Variants in CTDP1 observed in about 807,000 individuals in gnomAD.
CTDP1 encodes the protein RNA polymerase II subunit A C-terminal domain phosphatase.
In CTDP1, 47 loss-of-function variants were observed where a neutral mutation model predicts 91.8. The observed-to-expected ratio is 0.51, with a 90% CI of 0.41 to 0.65. The LOEUF (loss-of-function observed/expected upper bound fraction) is 0.65. CTDP1 is among the 30% of genes least tolerant of loss of function. The pLI is 0.00. For synonymous variants in CTDP1, 656 were observed against 598.5 expected (o/e 1.10, Z -1.40); for missense variants, 1,272 against 1,373.7 (o/e 0.93, Z 1.17).
intron 1 of CTDP1, among the ~76,000 whole-genome samples, chr18:79,691,160 C>T (rs1192010865): frequency 2.6e-5 from 4 of 151,834 alleles, no homozygotes; most frequent in Non-Finnish European, 2.9e-5. Flanking sequence ...AGTCATCTGC[C>T]GGTGGCACCT....
At chr18:79,701,564 A>G (rs990002920) in intron 4 of CTDP1, among the ~76,000 whole-genome samples, 6 of 147,412 alleles carry the variant, frequency 4.1e-5, no homozygotes, top group African/African-American at 1.6e-4. Context: ...TAAATAAATA[A>G]ATAAATAAAA....
chr18:79,727,273 C>G (rs1008618946), intron 10 of CTDP1, among the ~76,000 whole-genome samples: 8 of 152,256 alleles, frequency 5.3e-5, no homozygotes, highest in African/African-American at 1.9e-4. Context: ...CTGCTTTGGA[C>G]TGCGTGTGTC....
chr18:79,695,911 G>T, intron 2 of CTDP1, 66 bp from the exon 3 acceptor site: 1 of 1,267,272 alleles, frequency 7.9e-7, no homozygotes, highest in Non-Finnish European at 1.1e-6. Context: ...CTGTCACTTA[G>T]AGCCCAGTGT....
intron 5 of CTDP1, among the ~76,000 whole-genome samples, chr18:79,705,858 T>C (rs963721834): frequency 2.0e-5 from 3 of 152,262 alleles, no homozygotes; most frequent in Admixed American, 1.3e-4. Flanking sequence ...TTAATTCCTC[T>C]TGTAATTGAA....
chr18:79,714,232 T>G (rs1336672925), intron 7 of CTDP1, among the ~76,000 whole-genome samples: 1 of 152,108 alleles, frequency 6.6e-6, no homozygotes, highest in Non-Finnish European at 1.5e-5. Flanking sequence ...ATTTTTTGGA[T>G]TGGGGATGTT....
At chr18:79,745,280 GTTCTGTCCCTGCGTCCCTCCCGTGCGC>G (rs2086860018) in intron 12 of CTDP1, among the ~76,000 whole-genome samples, 2 of 133,350 alleles carry the variant, frequency 1.5e-5, no homozygotes, top group Admixed American at 7.5e-5. Flanking sequence ...TCCCGTGCGC[GTTCTGTCCCTGCGTCCCTCCCGTGCGC>G]GTTCTGTCCC....
intron 1 of CTDP1, among the ~76,000 whole-genome samples, chr18:79,692,192 G>T (rs942634963): frequency 1.3e-5 from 2 of 151,958 alleles, no homozygotes; most frequent in African/African-American, 4.8e-5. Flanking sequence ...GGGGAACAGT[G>T]GAGAAAACCT....
chr18:79,694,102 C>T (rs1196469162), intron 1 of CTDP1, among the ~76,000 whole-genome samples: 1 of 152,238 alleles, frequency 6.6e-6, no homozygotes, highest in Non-Finnish European at 1.5e-5. Flanking sequence ...GCTTGGGTGG[C>T]TGTCTCATGT....
chr18:79,679,154 G>C (rs2085297339), upstream of CTDP1: 6 of 302,846 alleles, frequency 2.0e-5, no homozygotes, highest in Non-Finnish European at 2.6e-5. Context: ...GGCGCTTCCG[G>C]GCGCCTTGCC....
rs2086665090 is a variant in CTDP1, at chr18:79,736,300, C to T, written c.2581-55C>T. The T allele has an allele frequency of 7.1e-6, 11 of 1,547,264 alleles. No individual in the cohort carries two copies. The South Asian group carries it at 7.2e-5, about 10-fold the overall frequency. On this transcript the variant is annotated intron_variant, in intron 11 of 12. Transcript: ENST00000613122. Reference sequence around the variant, plus strand: ...GGACTCTGCCGGGAGAAGCCTGTTGCGGAGGAACGGGGCCCGGGAAGGAGG... The same window carrying T: ...GGACTCTGCCGGGAGAAGCCTGTTGTGGAGGAACGGGGCCCGGGAAGGAGG...
intron 10 of CTDP1, among the ~76,000 whole-genome samples, chr18:79,723,656 T>C (rs2086390834): frequency 2.0e-5 from 3 of 152,218 alleles, no homozygotes; most frequent in Admixed American, 2.0e-4. Flanking sequence ...CCCTTTATCC[T>C]GTTTCCCCTG....
At chr18:79,722,913 C>T (rs1215848265) in intron 10 of CTDP1, among the ~76,000 whole-genome samples, 2 of 152,160 alleles carry the variant, frequency 1.3e-5, no homozygotes, top group Non-Finnish European at 2.9e-5. Context: ...CCCTTTTCTC[C>T]GTAGGCCTCC....
chr18:79,697,197 G>T (rs1368171981), intron 3 of CTDP1, among the ~76,000 whole-genome samples: 1 of 152,234 alleles, frequency 6.6e-6, no homozygotes, highest in Non-Finnish European at 1.5e-5. Flanking sequence ...TCCCTTCGGG[G>T]ATGGGCACGG....
chr18:79,689,952 C>G (rs1458592228), intron 1 of CTDP1, among the ~76,000 whole-genome samples: 1 of 152,190 alleles, frequency 6.6e-6, no homozygotes, highest in Non-Finnish European at 1.5e-5. Context: ...GCCGCCTTGT[C>G]TGCATAACGG....
intron 11 of CTDP1, among the ~76,000 whole-genome samples, chr18:79,735,264 G>T (rs1469009419): frequency 6.6e-6 from 1 of 152,160 alleles, no homozygotes; most frequent in Non-Finnish European, 1.5e-5. Context: ...GCCCCTCAAG[G>T]CCCCAGCCAG....
intron 5 of CTDP1, among the ~76,000 whole-genome samples, chr18:79,707,885 C>T (rs1020423597): frequency 3.3e-5 from 5 of 152,148 alleles, no homozygotes; most frequent in South Asian, 4.1e-4. Context: ...TGATAGCATG[C>T]GTGCTTTCAG....
chr18:79,725,846 G>A (rs2086434603), intron 10 of CTDP1, among the ~76,000 whole-genome samples: 1 of 152,112 alleles, frequency 6.6e-6, no homozygotes, highest in South Asian at 2.1e-4. Context: ...AAAACATCCG[G>A]CTTCCTTCTG....
chr18:79,702,437 G>A (rs1274539651), intron 4 of CTDP1, among the ~76,000 whole-genome samples: 5 of 152,064 alleles, frequency 3.3e-5, no homozygotes, highest in Admixed American at 1.3e-4. Flanking sequence ...GCAGTGACAC[G>A]ATCTCTCTAT....
At chr18:79,697,746 TG>T in intron 3 of CTDP1, 113 bp from the exon 4 acceptor site, 1 of 1,485,654 alleles carries the variant, frequency 6.7e-7, no homozygotes, top group Non-Finnish European at 9.3e-7. Context: ...CCATGGAGCG[TG>T]GGGGGCTGGA....
Sources: gnomAD v4.1 joint callset for allele counts (sites outside exome capture counted in the v4.1 genomes callset) on GRCh38, gnomAD v4.1.1 for gene constraint, MANE v1.5 for transcripts, NCBI Gene and HGNC (gene_info 2026-07-23, HGNC 2026-07-21) for gene names.